BATF: variants seen among roughly 807,000 people sequenced by gnomAD.
The protein encoded by BATF is basic leucine zipper ATF-like transcription factor.
A neutral mutation model predicts 13.7 loss-of-function variants in BATF; 5 were observed. The ratio of observed to expected loss-of-function variants is 0.36; its 90% CI spans 0.19 to 0.77. The LOEUF is 0.77. Ranked by LOEUF, BATF falls within the 30% of genes least tolerant of loss-of-function variation. The pLI, the probability that BATF is intolerant of heterozygous loss-of-function variation, is 0.51. For synonymous variants in BATF, 72 were observed against 67.5 expected (o/e 1.07, Z -0.33); for missense variants, 124 against 163.0 (o/e 0.76, Z 1.30).
chr14:75,543,825 T>C (rs1887939773), intron 2 of BATF, among the ~76,000 whole-genome samples: 1 of 150,328 alleles, frequency 6.7e-6, no homozygotes, highest in Admixed American at 6.6e-5. Context: ...AGCAAGACTG[T>C]CTCAAAAAAA....
At position 75,546,869 on chromosome 14, in the gene BATF, GACCCC is replaced by G. The variant is rs1887996907; in HGVS notation, c.*202_*206del. On this transcript the variant is annotated 3_prime_UTR_variant, in exon 3 of 3. Coordinates refer to ENST00000286639, the MANE Select transcript of BATF (RefSeq NM_006399.5). ...GCAGCGTTTCGAGGGGCGTGTGCTG[GACCCC>G]ACCACTGTGGGTTGCAGGCCCAATG... 1 of 776,956 alleles carries G rather than the reference GACCCC, an allele frequency of 1.3e-6. No individual in the cohort carries two copies. The highest frequency in any genetic ancestry group is 2.2e-6 in the Non-Finnish European group (1 of 453,428). 48.1% of individuals were successfully genotyped at this position (776,956 alleles called of 1,614,324 possible).
At chr14:75,527,601 C>CA (rs1887672571) in intron 2 of BATF, among the ~76,000 whole-genome samples, 1 of 152,234 alleles carries the variant, frequency 6.6e-6, no homozygotes, top group Non-Finnish European at 1.5e-5. Flanking sequence ...AGCACTGAAT[C>CA]AGCTCTCTCC....
intron 2 of BATF, among the ~76,000 whole-genome samples, chr14:75,540,978 C>T (rs976085148): frequency 6.6e-6 from 1 of 151,990 alleles, no homozygotes; most frequent in Non-Finnish European, 1.5e-5. Context: ...CCCCAGCTAC[C>T]CAGAAGGCTG....
intron 2 of BATF, among the ~76,000 whole-genome samples, chr14:75,545,728 C>G (rs889967062): frequency 3.9e-5 from 6 of 152,112 alleles, no homozygotes; most frequent in Non-Finnish European, 7.4e-5. Context: ...AGGCTCTGGC[C>G]TGCCAGCTGC....
At chr14:75,541,730 C>A (rs1224308463) in intron 2 of BATF, among the ~76,000 whole-genome samples, 2 of 152,216 alleles carry the variant, frequency 1.3e-5, no homozygotes, top group East Asian at 3.8e-4. Flanking sequence ...ATGGTAAAAT[C>A]TTGGCTCACT....
At position 75,546,676 on chromosome 14, in the gene BATF, C is replaced by CCGATG; in HGVS notation, c.*8_*12dup. On this transcript the variant is annotated 3_prime_UTR_variant, in exon 3 of 3. Coordinates refer to ENST00000286639, the MANE Select transcript of BATF (RefSeq NM_006399.5). ...TCCCCGCGCTTCCAGCCCTGAGCTT[C>CCGATG]CGATGCGGGGAGAGCAGAGCCTCGG... 2 of 1,583,110 alleles carry CCGATG rather than the reference C, an allele frequency of 1.3e-6. No homozygotes were observed. The highest frequency in any genetic ancestry group is 1.7e-6 in the Non-Finnish European group (2 of 1,164,974).
chr14:75,526,250 C>G (rs989726663), intron 2 of BATF, among the ~76,000 whole-genome samples: 1 of 152,216 alleles, frequency 6.6e-6, no homozygotes, highest in Admixed American at 6.5e-5. Flanking sequence ...CACTCTGCCC[C>G]CAGTATGGTT....
intron 2 of BATF, among the ~76,000 whole-genome samples, chr14:75,528,267 G>A (rs1303622953): frequency 1.3e-5 from 2 of 152,184 alleles, no homozygotes; most frequent in African/African-American, 4.8e-5. Flanking sequence ...TCCTATTAGG[G>A]TTCTAGCCTC....
chr14:75,546,596 C>G lies in BATF; in HGVS notation c.303C>G (p.Pro101=), dbSNP rs2228235. 9.7e-3 allele frequency: 15,720 copies of G among 1,613,920 alleles called. 989 individuals carry two copies. In the African/African-American group the frequency reaches 0.15, roughly 16 times the overall value. The change falls in exon 3 of 3, where the codon CCC becomes CCG. Residue 101 remains proline (P), a synonymous_variant. Coordinates refer to ENST00000286639, the MANE Select transcript of BATF (RefSeq NM_006399.5). The part of the protein sequence containing the change: ...PLCSVLAAST[P]SPPEVVYSAH... ...GCTCGGTGCTGGCCGCCAGCACGCC[C>G]TCGCCCCCCGAGGTGGTGTACAGCG... is the stretch of plus-strand genomic sequence containing the variant.
At chr14:75,523,059 C>G (rs934513384) in intron 1 of BATF, among the ~76,000 whole-genome samples, 2 of 151,962 alleles carry the variant, frequency 1.3e-5, no homozygotes, top group Non-Finnish European at 2.9e-5. Flanking sequence ...TCAAAGAATG[C>G]AGAGAAAAGA....
intron 2 of BATF, among the ~76,000 whole-genome samples, chr14:75,531,075 T>C (rs911652061): frequency 1.3e-5 from 2 of 152,202 alleles, no homozygotes; most frequent in African/African-American, 4.8e-5. Flanking sequence ...GAGGATTTCT[T>C]TTCTAATTTT....
chr14:75,539,424 A>ATTTTTTTTT (rs1162218076), intron 2 of BATF, among the ~76,000 whole-genome samples: 1,238 of 58,512 alleles, frequency 0.021, 251 homozygotes, highest in South Asian at 0.055. Context: ...GTAAGCTGGA[A>ATTTTTTTTT]TTTTTTTTTT....
intron 2 of BATF, among the ~76,000 whole-genome samples, chr14:75,530,071 A>AG (rs1174373350): frequency 6.6e-6 from 1 of 151,798 alleles, no homozygotes; most frequent in East Asian, 1.9e-4. Flanking sequence ...CAAAAAAAAA[A>AG]AAAAAAAAGT....
chr14:75,537,218 T>C (rs1203279185), intron 2 of BATF, among the ~76,000 whole-genome samples: 2 of 152,216 alleles, frequency 1.3e-5, no homozygotes, highest in Non-Finnish European at 2.9e-5. Flanking sequence ...TCCCACGCTG[T>C]TGGTTCAGTT....
intron 2 of BATF, among the ~76,000 whole-genome samples, chr14:75,537,529 A>G (rs1052887852): frequency 6.6e-6 from 1 of 152,226 alleles, no homozygotes; most frequent in Admixed American, 6.5e-5. Flanking sequence ...AGTGAAGACA[A>G]TAATAGCTCC....
rs761625040 is a variant in BATF, at chr14:75,546,447, T to A, written c.169-15T>A. 2 of 1,613,668 alleles carry A rather than the reference T, an allele frequency of 1.2e-6. No homozygotes were observed. The highest frequency in any genetic ancestry group is 1.7e-6 in the Non-Finnish European group (2 of 1,179,750). On this transcript the variant is annotated splice_polypyrimidine_tract_variant and intron_variant, in intron 2 of 2. Transcript: ENST00000286639. ...CCTAGACACTAACCTCCGGTGCTGA[T>A]CCCCACCCCTACAGGAGAGCGAAGA...
chr14:75,538,857 T>C (rs561331472), intron 2 of BATF, among the ~76,000 whole-genome samples: 2 of 152,326 alleles, frequency 1.3e-5, no homozygotes, highest in African/African-American at 2.4e-5. Context: ...GCCGAGATCG[T>C]GCCACTGCAC....
At chr14:75,524,937 G>C in intron 1 of BATF, 147 bp from the exon 2 acceptor site, 1 of 641,130 alleles carries the variant, frequency 1.6e-6, no homozygotes, top group South Asian at 2.2e-5. Context: ...TTCGGGTGCA[G>C]GCTTTTGGTA....
chr14:75,541,948 G>A (rs995604510), intron 2 of BATF, among the ~76,000 whole-genome samples: 2 of 151,980 alleles, frequency 1.3e-5, no homozygotes, highest in Admixed American at 6.6e-5. Flanking sequence ...ACAGGCGTGA[G>A]CCACAGCACC....
Sources: allele counts gnomAD v4.1 joint callset (sites outside exome capture counted in the v4.1 genomes callset), GRCh38; gene constraint gnomAD v4.1.1; transcripts MANE v1.5; gene names NCBI Gene and HGNC (gene_info 2026-07-23, HGNC 2026-07-21).